Variants in PARD3 observed in about 807,000 individuals in gnomAD.
The protein encoded by PARD3 is par-3 family cell polarity regulator, also known as partitioning defective 3 homolog.
PARD3 carries 75 observed loss-of-function variants against 155.4 expected under a neutral mutation model. The observed-to-expected ratio is 0.48, with a 90% confidence interval of 0.40 to 0.58. The LOEUF (loss-of-function observed/expected upper bound fraction) is 0.58. Ranked by LOEUF, PARD3 falls within the 20% of genes least tolerant of loss-of-function variation. The pLI is 0.00. For synonymous variants in PARD3, 576 were observed against 610.5 expected, an observed-to-expected ratio of 0.94 and a Z score of 0.83; for missense variants, 1,642 against 1,721.7, an observed-to-expected ratio of 0.95 and a Z score of 0.82.
chr10:34,388,722 C>T (rs1212601032), intron 7 of PARD3, among the ~76,000 whole-genome samples: 1 of 152,150 alleles, frequency 6.6e-6, no homozygotes, highest in East Asian at 1.9e-4. Flanking sequence ...TCCTTCTTGG[C>T]AGCTAATACC....
intron 2 of PARD3, among the ~76,000 whole-genome samples, chr10:34,604,002 C>T (rs1036259394): frequency 1.3e-5 from 2 of 152,098 alleles, no homozygotes; most frequent in East Asian, 3.9e-4. Context: ...AAAAACCATC[C>T]AGTTTTCCCC....
chr10:34,221,828 T>C (rs1158877041), intron 22 of PARD3, among the ~76,000 whole-genome samples: 1 of 152,210 alleles, frequency 6.6e-6, no homozygotes, highest in Non-Finnish European at 1.5e-5. Flanking sequence ...GTTAGTTTTG[T>C]GTTGTGTTTC....
intron 1 of PARD3, among the ~76,000 whole-genome samples, chr10:34,801,489 A>G (rs1342807689): frequency 6.6e-6 from 1 of 152,232 alleles, no homozygotes; most frequent in Non-Finnish European, 1.5e-5. Flanking sequence ...ATACAAAGCC[A>G]GGGTGTTGAT....
intron 2 of PARD3, among the ~76,000 whole-genome samples, chr10:34,587,651 G>A (rs1457822407): frequency 2.0e-5 from 3 of 152,074 alleles, no homozygotes; most frequent in Non-Finnish European, 2.9e-5. Context: ...GATATTCTGT[G>A]TTTTAGACAC....
chr10:34,255,988 A>G (rs1466373465), intron 22 of PARD3, among the ~76,000 whole-genome samples: 1 of 152,244 alleles, frequency 6.6e-6, no homozygotes, highest in African/African-American at 2.4e-5. Flanking sequence ...CATGAATCAC[A>G]TCAAAACAAA....
intron 2 of PARD3, among the ~76,000 whole-genome samples, chr10:34,596,402 T>C (rs2089261607): frequency 6.6e-6 from 1 of 152,152 alleles, no homozygotes; most frequent in Admixed American, 6.5e-5. Context: ...AGAGGTTTAA[T>C]CGACTCACAA....
At chr10:34,267,863 G>T (rs1955403252) in intron 22 of PARD3, among the ~76,000 whole-genome samples, 1 of 152,110 alleles carries the variant, frequency 6.6e-6, no homozygotes, top group Non-Finnish European at 1.5e-5. Flanking sequence ...ATCAAAATTT[G>T]GGGAGAGTCC....
intron 21 of PARD3, among the ~76,000 whole-genome samples, chr10:34,274,208 G>C (rs757173353): frequency 9.2e-5 from 14 of 152,160 alleles, no homozygotes; most frequent in Admixed American, 3.3e-4. Flanking sequence ...ATACCCACAA[G>C]AGAAACAGCA....
chr10:34,159,620 A>C (rs975405376), intron 22 of PARD3, among the ~76,000 whole-genome samples: 14 of 152,190 alleles, frequency 9.2e-5, no homozygotes, highest in African/African-American at 2.2e-4. Context: ...CAAAATCAGA[A>C]GTTCTCTGAA....
intron 4 of PARD3, among the ~76,000 whole-genome samples, chr10:34,458,231 C>T (rs2077437986): frequency 6.6e-6 from 1 of 151,928 alleles, no homozygotes; most frequent in African/African-American, 2.4e-5. Context: ...GAGACAGGGT[C>T]TCACTCTGTC....
At chr10:34,429,217 T>C (rs939830971) in intron 5 of PARD3, among the ~76,000 whole-genome samples, 2 of 152,082 alleles carry the variant, frequency 1.3e-5, no homozygotes, top group Non-Finnish European at 2.9e-5. Context: ...TTATATCCCA[T>C]GTATGCTGGA....
intron 2 of PARD3, among the ~76,000 whole-genome samples, chr10:34,605,418 C>T (rs1006716390): frequency 3.8e-4 from 56 of 147,734 alleles, no homozygotes; most frequent in Non-Finnish European, 7.0e-4. Context: ...TGGTCTCGAT[C>T]TCCTGACCTC....
At chr10:34,626,008 C>T (rs1186189175) in intron 2 of PARD3, among the ~76,000 whole-genome samples, 6 of 152,184 alleles carry the variant, frequency 3.9e-5, no homozygotes, top group Admixed American at 3.9e-4. Flanking sequence ...GAGACCTTGC[C>T]TAATCAATAT....
chr10:34,678,247 T>C (rs1277469684), intron 2 of PARD3, among the ~76,000 whole-genome samples: 1 of 152,058 alleles, frequency 6.6e-6, no homozygotes, highest in Admixed American at 6.6e-5. Context: ...GCTATTTTTG[T>C]ATTTTTTGTA....
At chr10:34,146,931 T>A (rs11596306) in intron 22 of PARD3, among the ~76,000 whole-genome samples, 29,238 of 152,168 alleles carry the variant, frequency 0.19, 3,490 homozygotes, top group Middle Eastern at 0.38. Flanking sequence ...TGAACCTGAT[T>A]AAAGTTTCTG....
intron 22 of PARD3, among the ~76,000 whole-genome samples, chr10:34,192,435 C>T (rs1198339590): frequency 6.6e-6 from 1 of 152,116 alleles, no homozygotes; most frequent in African/African-American, 2.4e-5. Flanking sequence ...GTTCTTGTGT[C>T]TGAGACAGAA....
chr10:34,582,607 T>C (rs900189264), intron 2 of PARD3, among the ~76,000 whole-genome samples: 8 of 152,318 alleles, frequency 5.3e-5, no homozygotes, highest in African/African-American at 1.2e-4. Context: ...TATAAACCAA[T>C]TGGTACAGCC....
intron 3 of PARD3, among the ~76,000 whole-genome samples, chr10:34,480,684 A>C (rs182322518): frequency 1.3e-5 from 2 of 152,314 alleles, no homozygotes; most frequent in African/African-American, 4.8e-5. Flanking sequence ...TATATCAGTC[A>C]GGAACAAAAA....
chr10:34,574,657 T>C (rs2086745744), intron 2 of PARD3, among the ~76,000 whole-genome samples: 2 of 152,170 alleles, frequency 1.3e-5, no homozygotes, highest in Admixed American at 1.3e-4. Context: ...CACTCTTCTA[T>C]GGGCTTTATT....
Sources: gnomAD v4.1 joint callset for allele counts (sites outside exome capture counted in the v4.1 genomes callset) on GRCh38, gnomAD v4.1.1 for gene constraint, MANE v1.5 for transcripts, NCBI Gene and HGNC (gene_info 2026-07-23, HGNC 2026-07-21) for gene names.